Variants in TMED8 observed in about 807,000 individuals in gnomAD.
The protein encoded by TMED8 is transmembrane p24 trafficking protein family member 8, also known as protein TMED8.
Under a neutral mutation model 32.7 loss-of-function variants are expected in TMED8, and 15 were observed. The observed-to-expected ratio is 0.46, with a 90% CI of 0.31 to 0.71. The LOEUF is 0.71. Among genes scored for constraint, TMED8 ranks in the 30% least tolerant of loss-of-function variants. The pLI is 0.06. For synonymous variants in TMED8, 147 were observed against 161.4 expected (o/e 0.91, Z 0.68); for missense variants, 390 against 423.9 (o/e 0.92, Z 0.70).
chr14:77,344,549 G>A (rs1443811176), intron 3 of TMED8, among the ~76,000 whole-genome samples: 2 of 152,232 alleles, frequency 1.3e-5, no homozygotes, highest in East Asian at 3.8e-4. Context: ...CCATGCGGGA[G>A]CTTACAATGT....
intron 2 of TMED8, among the ~76,000 whole-genome samples, chr14:77,348,706 G>T (rs961722754): frequency 6.6e-6 from 1 of 151,446 alleles, no homozygotes; most frequent in African/African-American, 2.4e-5. Flanking sequence ...GGAAACGGAG[G>T]CTTCATTTTA....
rs1893507329 is a variant in TMED8 at position 77,364,520 on chromosome 14, CAGG to C, written c.118+12413_118+12415del. On this transcript the variant is annotated intron_variant, in intron 1 of 5. Coordinates refer to ENST00000216468, the MANE Select transcript of TMED8 (RefSeq NM_213601.3). ...CGGGCCATCCATAGTGTTAGGATTA[CAGG>C]CATGAGCCATGATATTTTTTTTAAG... 2.0e-5 allele frequency among the ~76,000 whole-genome samples: 3 copies of C among 152,044 alleles called. No homozygotes were observed. The South Asian group carries it at 6.2e-4, about 32-fold the overall frequency.
In TMED8 at chr14:77,337,302, G is replaced by C. The variant is rs1350908015; in HGVS notation, c.*4469C>G. On this transcript the variant is annotated 3_prime_UTR_variant, in exon 6 of 6. Transcript: ENST00000216468. ...CAATCACTCTTGTACTGACATGCCAGTTAGTAAGGAAAACAGCAGAGATCA... is the reference window on the plus strand; with the variant it reads ...CAATCACTCTTGTACTGACATGCCACTTAGTAAGGAAAACAGCAGAGATCA... 6.6e-6 allele frequency: 1 copy of C among 152,168 alleles called. No individual in the cohort carries two copies. The highest frequency in any genetic ancestry group is 1.5e-5 in the Non-Finnish European group (1 of 68,032). The allele number at this position is 152,168 out of a possible 1,614,324, so 9.4% of individuals were successfully genotyped here.
At chr14:77,353,436 TTTG>T (rs923689318) in intron 1 of TMED8, among the ~76,000 whole-genome samples, 11 of 141,114 alleles carry the variant, frequency 7.8e-5, no homozygotes, top group African/African-American at 1.6e-4. Context: ...TTTTCTTTTC[TTTG>T]TTTTTTTTTT....
At chr14:77,351,954 T>TA in intron 1 of TMED8, among the ~76,000 whole-genome samples, 1 of 152,186 alleles carries the variant, frequency 6.6e-6, no homozygotes, top group Non-Finnish European at 1.5e-5. Flanking sequence ...ATCTCATTCA[T>TA]AAAAAATAAA....
chr14:77,343,068 A>T (rs1164559887), intron 5 of TMED8, 110 bp downstream of exon 5: 1 of 1,092,392 alleles, frequency 9.2e-7, no homozygotes, highest in Non-Finnish European at 1.3e-6. Context: ...TGTAATGCTG[A>T]GTTTCTCAAC....
At chr14:77,367,452 C>A (rs1337838018) in intron 1 of TMED8, among the ~76,000 whole-genome samples, 2 of 151,976 alleles carry the variant, frequency 1.3e-5, no homozygotes, top group East Asian at 3.9e-4. Flanking sequence ...GGTAAGAAAA[C>A]CACTATCCCA....
rs1892867215 is a variant in TMED8 at position 77,340,414 on chromosome 14, CTAAT to C, written c.*1353_*1356del. The C allele has an allele frequency of 6.6e-6, 1 of 152,178 alleles. No homozygotes were observed. The highest frequency in any genetic ancestry group is 1.5e-5 in the Non-Finnish European group (1 of 68,034). The allele number at this position is 152,178 out of a possible 1,614,324, so 9.4% of individuals were successfully genotyped here. A position where few individuals can be genotyped will look rare whatever the true frequency, so the allele number is the denominator to read the frequency against. ...AAAATAAATACAGTAATAAATAAATCTAATTATTCTTCAGAATTCGTAGGCAGTA... is the reference window on the plus strand; with the variant it reads ...AAAATAAATACAGTAATAAATAAATCTATTCTTCAGAATTCGTAGGCAGTA... On this transcript the variant is annotated 3_prime_UTR_variant, in exon 6 of 6. Transcript: ENST00000216468.
intron 1 of TMED8, among the ~76,000 whole-genome samples, chr14:77,373,309 A>C (rs954028428): frequency 6.6e-6 from 1 of 151,882 alleles, no homozygotes; most frequent in African/African-American, 2.4e-5. Flanking sequence ...ACTTAAAAAA[A>C]AAACAAAAAC....
At position 77,338,843 on chromosome 14, in the gene TMED8, A is replaced by G. The variant is rs1566681128; in HGVS notation, c.*2928T>C. 1 of 152,246 alleles carries G rather than the reference A, an allele frequency of 6.6e-6. No individual in the cohort carries two copies. The highest frequency in any genetic ancestry group is 2.4e-5 in the African/African-American group (1 of 41,454). 9.4% of individuals were successfully genotyped at this position (152,246 alleles called of 1,614,324 possible). On this transcript the variant is annotated 3_prime_UTR_variant, in exon 6 of 6. Transcript: ENST00000216468. ...TAAAACACTGGGGGAAAAGAAATCA[A>G]TACTTTAAATATGTCTTCCTTTCTA...
intron 1 of TMED8, among the ~76,000 whole-genome samples, chr14:77,372,934 A>T (rs866853880): frequency 0.018 from 560 of 30,426 alleles, 42 homozygotes; most frequent in Middle Eastern, 0.031. Flanking sequence ...ATATATATAT[A>T]TATATATATA....
At position 77,341,755 on chromosome 14, in the gene TMED8, C is replaced by T; in HGVS notation, c.*16G>A. 6.2e-7 allele frequency: 1 copy of T among 1,613,782 alleles called. No homozygotes were observed. Among genetic ancestry groups the T allele is most frequent in the Non-Finnish European group, 8.5e-7 (1 of 1,179,688 alleles). On this transcript the variant is annotated 3_prime_UTR_variant, in exon 6 of 6. Transcript: ENST00000216468. ...TTCAGCCAGCAAATACAGCCTGCCC[C>T]TGTCCCAGCAGTCCTTCAGCTGGTG...
chr14:77,356,199 TG>T (rs1224556094), intron 1 of TMED8, among the ~76,000 whole-genome samples: 1 of 152,150 alleles, frequency 6.6e-6, no homozygotes, highest in African/African-American at 2.4e-5. Context: ...AAAGATTGCA[TG>T]AAAAGAAGAT....
Position 77,343,291 on chromosome 14 carries a change from C to T in TMED8, c.647G>A (p.Gly216Asp), listed in dbSNP as rs756956669. Residue 216 changes from glycine to aspartate, a missense_variant, in exon 5 of 6, where the codon GGC becomes GAC. By Grantham distance (94) the Gly-to-Asp change is moderately conservative (BLOSUM62 -1). Transcript: ENST00000216468. ...WEFATDDYDI[G>D]FGVYFDWTPV... is the part of the protein sequence containing the mutation. ...GGTCCAGTCAAAATAAACTCCAAAGCCAATGTCATAGTCATCGGTCGCAAA... is the reference window on the plus strand; with the variant it reads ...GGTCCAGTCAAAATAAACTCCAAAGTCAATGTCATAGTCATCGGTCGCAAA... The T allele has an allele frequency of 3.7e-6, 6 of 1,614,082 alleles. No homozygotes were observed. Among genetic ancestry groups the T allele is most frequent in the East Asian group, 2.2e-5 (1 of 44,894 alleles).
intron 1 of TMED8, among the ~76,000 whole-genome samples, chr14:77,364,885 C>A (rs894181048): frequency 6.6e-6 from 1 of 152,176 alleles, no homozygotes; most frequent in Non-Finnish European, 1.5e-5. Flanking sequence ...TAGATATAAT[C>A]ATTCCTTATA....
At chr14:77,368,528 A>T (rs1017656961) in intron 1 of TMED8, among the ~76,000 whole-genome samples, 2 of 151,988 alleles carry the variant, frequency 1.3e-5, no homozygotes, top group Non-Finnish European at 2.9e-5. Flanking sequence ...CCCAAGTTGG[A>T]GTGCAGTGGC....
rs201925509 is a variant in TMED8 at position 77,355,992 on chromosome 14, A to G, written c.119-4241T>C. Among the ~76,000 whole-genome samples the G allele has an allele frequency of 7.9e-5, 12 of 152,314 alleles. No individual in the cohort carries two copies. The East Asian group carries it at 2.3e-3, about 29-fold the overall frequency. ...ACTAAGCAGAGAAGATAATTTTCAG[A>G]AAGTACAATGATGCATTCAAGTAAA... On this transcript the variant is annotated intron_variant, in intron 1 of 5. Transcript: ENST00000216468.
chr14:77,363,086 A>C (rs1011379510), intron 1 of TMED8, among the ~76,000 whole-genome samples: 2 of 152,224 alleles, frequency 1.3e-5, no homozygotes, highest in East Asian at 1.9e-4. Flanking sequence ...AAAAGTAATA[A>C]GGAAATACTA....
chr14:77,367,240 TAAAAAAAAAAAAAAA>T (rs56707120), intron 1 of TMED8, among the ~76,000 whole-genome samples: 1 of 25,074 alleles, frequency 4.0e-5, no homozygotes, highest in Admixed American at 4.9e-4. Context: ...AGACTCTGTC[TAAAAAAAAAAAAAAA>T]AAAAAAAAAA....
Sources: allele counts gnomAD v4.1 joint callset (sites outside exome capture counted in the v4.1 genomes callset), GRCh38; gene constraint gnomAD v4.1.1; transcripts MANE v1.5; gene names NCBI Gene and HGNC (gene_info 2026-07-23, HGNC 2026-07-21).